The following ARSG variants were observed in gnomAD, a reference collection of about 807,000 sequenced individuals.
The protein encoded by ARSG is arylsulfatase G, also known as ASG.
In ARSG, 37 loss-of-function variants were observed where a neutral mutation model predicts 50.5. The ratio of observed to expected loss-of-function variants is 0.73; its 90% confidence interval spans 0.56 to 0.96. ARSG has a LOEUF of 0.96. Among genes scored for constraint, ARSG ranks in the 50% least tolerant of loss-of-function variants. The probability of loss-of-function intolerance (pLI) is 0.00; values close to 1 mark genes in which losing one functional copy is unlikely to be tolerated. For synonymous variants in ARSG, 225 were observed against 254.6 expected (o/e 0.88, Z 1.11); for missense variants, 629 against 675.3 (o/e 0.93, Z 0.76).
the ARSG span, among the ~76,000 whole-genome samples, chr17:68,432,063 A>C: frequency 1.3e-5 from 2 of 152,342 alleles, no homozygotes; most frequent in East Asian, 3.9e-4. Context: ...AAATCCTAAA[A>C]AGTGGATATA....
Position 68,368,718 on chromosome 17 carries a change from A to G in ARSG, c.875A>G (p.Lys292Arg). 1 of 1,613,406 alleles carries G rather than the reference A, an allele frequency of 6.2e-7. No individual in the cohort carries two copies. The highest frequency in any genetic ancestry group is 1.3e-5 in the African/African-American group (1 of 75,036). ...AAGGACAAAGTTGACCACACAGTGAAGGAAAACACATTCCTCTGGTTTACA... is the reference window on the plus strand; with the variant it reads ...AAGGACAAAGTTGACCACACAGTGAGGGAAAACACATTCCTCTGGTTTACA... ...QIKDKVDHTV[K>R]ENTFLWFTGD... The change falls in exon 7 of 12, where the codon AAG becomes AGG. Residue 292 changes from lysine to arginine, a missense_variant. Physicochemically the swap from Lys to Arg is conservative, Grantham distance 26. Transcript: ENST00000621439.
At chr17:68,356,496 A>G (rs946981610) in intron 5 of ARSG, among the ~76,000 whole-genome samples, 171 bp from the exon 6 acceptor site, 1 of 152,258 alleles carries the variant, frequency 6.6e-6, no homozygotes, top group African/African-American at 2.4e-5. Context: ...AGGGAATGGA[A>G]GAAAGCATTA....
the ARSG span, chr17:68,444,619 G>C: frequency 6.3e-7 from 1 of 1,582,434 alleles, no homozygotes; most frequent in South Asian, 1.1e-5. Context: ...TCAGTCTACC[G>C]AACCGTTCCT....
At chr17:68,332,885 G>A (rs72839303) in intron 2 of ARSG, among the ~76,000 whole-genome samples, 28,512 of 152,170 alleles carry the variant, frequency 0.19, 3,362 homozygotes, top group Non-Finnish European at 0.25. Flanking sequence ...GTAAGCTTGG[G>A]CCAGCTTGTA....
At chr17:68,303,662 C>A (rs1403971001) in intron 1 of ARSG, among the ~76,000 whole-genome samples, 1 of 152,102 alleles carries the variant, frequency 6.6e-6, no homozygotes, top group African/African-American at 2.4e-5. Flanking sequence ...GTTGACCAGG[C>A]TGGTCTTGAA....
At chr17:68,368,506 G>A in intron 6 of ARSG, 42 bp from the exon 7 acceptor site, 3 of 1,593,002 alleles carry the variant, frequency 1.9e-6, no homozygotes, top group Non-Finnish European at 2.6e-6. Flanking sequence ...GATGAGCCAG[G>A]AGAGCCTTCT....
intron 7 of ARSG, 51 bp from the exon 8 acceptor site, chr17:68,370,393 C>T (rs1599920604): frequency 3.2e-6 from 5 of 1,575,722 alleles, no homozygotes; most frequent in Non-Finnish European, 3.5e-6. Context: ...GGAGGGTCAG[C>T]GAAAGTGTCC....
intron 11 of ARSG, among the ~76,000 whole-genome samples, chr17:68,416,792 GA>G (rs2082394479): frequency 6.6e-6 from 1 of 151,618 alleles, no homozygotes; most frequent in Non-Finnish European, 1.5e-5. Context: ...TGCATTACTA[GA>G]AGTATGTCCA....
chr17:68,272,235 G>A (rs1287478002), intron 1 of ARSG, among the ~76,000 whole-genome samples: 1 of 133,232 alleles, frequency 7.5e-6, no homozygotes, highest in Non-Finnish European at 1.7e-5. Flanking sequence ...ACCGTGCTCA[G>A]TTACAGATTT....
At chr17:68,348,128 C>T (rs1270632840) in intron 4 of ARSG, among the ~76,000 whole-genome samples, 2 of 152,216 alleles carry the variant, frequency 1.3e-5, no homozygotes, top group African/African-American at 4.8e-5. Flanking sequence ...TCTCCCTCTC[C>T]TCCCTTGAGC....
At chr17:68,288,191 AG>A (rs2075887822), upstream of ARSG, among the ~76,000 whole-genome samples, 1 of 151,738 alleles carries the variant, frequency 6.6e-6, no homozygotes, top group African/African-American at 2.4e-5. Flanking sequence ...TAGTAGAGAC[AG>A]GGTTTCACCA....
chr17:68,356,638 A>G (rs1268700390), intron 5 of ARSG, 29 bp from the exon 6 acceptor site: 2 of 1,613,294 alleles, frequency 1.2e-6, no homozygotes, highest in Non-Finnish European at 1.7e-6. Context: ...TAGGAAATGA[A>G]TACTCTATGG....
chr17:68,411,544 G>C (rs948233172), intron 11 of ARSG, among the ~76,000 whole-genome samples: 78 of 151,754 alleles, frequency 5.1e-4, no homozygotes, highest in Admixed American at 7.2e-4. Flanking sequence ...TTACTTCCAA[G>C]TATGTGGTCT....
At chr17:68,290,714 T>C (rs1019856269), upstream of ARSG, among the ~76,000 whole-genome samples, 1 of 152,200 alleles carries the variant, frequency 6.6e-6, no homozygotes, top group Non-Finnish European at 1.5e-5. Flanking sequence ...GGCAACTTCA[T>C]GCGGAAAATC....
At chr17:68,270,569 A>C (rs1157624483) in intron 1 of ARSG, among the ~76,000 whole-genome samples, 1 of 151,342 alleles carries the variant, frequency 6.6e-6, no homozygotes, top group African/African-American at 2.4e-5. Flanking sequence ...AAAAAAAAAA[A>C]GGCCAGGGTC....
chr17:68,392,742 C>A (rs944977715), intron 9 of ARSG, among the ~76,000 whole-genome samples: 2 of 152,194 alleles, frequency 1.3e-5, no homozygotes, highest in African/African-American at 4.8e-5. Flanking sequence ...TCAGGTGATC[C>A]ACCCACCTCA....
intron 9 of ARSG, among the ~76,000 whole-genome samples, chr17:68,386,446 A>G (rs2080728041): frequency 6.6e-6 from 1 of 152,186 alleles, no homozygotes; most frequent in Admixed American, 6.5e-5. Flanking sequence ...GAGAGACTCA[A>G]AGTCCAGGGG....
chr17:68,342,164 A>G (rs1253253721), intron 2 of ARSG, among the ~76,000 whole-genome samples: 2 of 152,082 alleles, frequency 1.3e-5, no homozygotes, highest in African/African-American at 4.8e-5. Context: ...CTATCAAGCC[A>G]CCGTGAGTAC....
chr17:68,443,623 A>G, the ARSG span, among the ~76,000 whole-genome samples: 1 of 152,230 alleles, frequency 6.6e-6, no homozygotes, highest in African/African-American at 2.4e-5. Context: ...AAGGGAACCA[A>G]GGTTCAAAAA....
Sources: gnomAD v4.1 joint callset for allele counts (sites outside exome capture counted in the v4.1 genomes callset) on GRCh38, gnomAD v4.1.1 for gene constraint, MANE v1.5 for transcripts, NCBI Gene and HGNC (gene_info 2026-07-23, HGNC 2026-07-21) for gene names.